Variants in CNBD1 observed in about 807,000 individuals in gnomAD.
The protein encoded by CNBD1 is cyclic nucleotide binding domain containing 1, also known as cyclic nucleotide-binding domain-containing protein 1.
In CNBD1, 71 loss-of-function variants were observed where a neutral mutation model predicts 54.4. That is an observed-to-expected ratio of 1.30 (90% CI 1.08 to 1.59). The LOEUF is 1.59. Among genes scored for constraint, CNBD1 ranks in the 40% most tolerant of loss-of-function variants. CNBD1 has a pLI of 0.00. For synonymous variants in CNBD1, 182 were observed against 170.7 expected (o/e 1.07, Z -0.51); for missense variants, 659 against 518.0 (o/e 1.27, Z -2.64).
chr8:87,371,947 T>A (rs965552817), intron 10 of CNBD1, among the ~76,000 whole-genome samples: 1 of 151,900 alleles, frequency 6.6e-6, no homozygotes, highest in African/African-American at 2.4e-5. Flanking sequence ...ACGCCCTCTC[T>A]CACCACTCCT....
In CNBD1 at chr8:87,070,087, A is replaced by G. The variant is rs571752093; in HGVS notation, c.431+130333A>G. On this transcript the variant is annotated intron_variant, in intron 4 of 10. Coordinates refer to ENST00000518476, the MANE Select transcript of CNBD1 (RefSeq NM_173538.3). The stretch of plus-strand genomic sequence containing the variant: ...TGGATACTCAAAGGTTTAATAAATT[A>G]GTGGGTATCCACATTTCTGGACATT... Among the ~76,000 whole-genome samples the G allele has an allele frequency of 2.6e-3, 402 of 152,200 alleles. 1 individual carries two copies. Among genetic ancestry groups the G allele is most frequent in the African/African-American group, 9.4e-3 (390 of 41,560 alleles).
intron 8 of CNBD1, among the ~76,000 whole-genome samples, chr8:87,316,452 G>A (rs181668543): frequency 2.0e-5 from 3 of 151,874 alleles, no homozygotes; most frequent in Non-Finnish European, 2.9e-5. Flanking sequence ...ATGTAATTTA[G>A]GTAGGTGTGT....
intron 10 of CNBD1, among the ~76,000 whole-genome samples, chr8:87,363,893 C>T (rs756862650): frequency 1.4e-4 from 21 of 150,560 alleles, no homozygotes; most frequent in Non-Finnish European, 2.4e-4. Flanking sequence ...CTTTTGTTGT[C>T]ATTGCTTTTG....
chr8:87,226,524 G>T (rs549018326), intron 5 of CNBD1, among the ~76,000 whole-genome samples: 2 of 146,802 alleles, frequency 1.4e-5, no homozygotes, highest in African/African-American at 5.4e-5. Context: ...GGAGCAGGTT[G>T]TTCAGTTTCC....
rs548839745 is a variant in CNBD1, at chr8:87,197,051, T to A, written c.432-8942T>A. 3.3e-5 allele frequency among the ~76,000 whole-genome samples: 5 copies of A among 152,340 alleles called. No individual in the cohort carries two copies. In the South Asian group the frequency reaches 1.0e-3, roughly 32 times the overall value. On this transcript the variant is annotated intron_variant, in intron 4 of 10. Coordinates refer to ENST00000518476, the MANE Select transcript of CNBD1 (RefSeq NM_173538.3). ...AAAATATAAAGGGAATAGTATTTTT[T>A]ATACACCACTGTATGTGGTCTGGAT... is the stretch of plus-strand genomic sequence containing the variant.
intron 2 of CNBD1, among the ~76,000 whole-genome samples, chr8:87,427,209 G>T (rs978431296): frequency 2.0e-5 from 3 of 152,012 alleles, no homozygotes; most frequent in African/African-American, 4.8e-5. Flanking sequence ...ACATTATCTT[G>T]TATGTCCTTT....
chr8:86,942,174 A>G (rs573599913), intron 4 of CNBD1, among the ~76,000 whole-genome samples: 1 of 152,344 alleles, frequency 6.6e-6, no homozygotes, highest in East Asian at 1.9e-4. Flanking sequence ...ATGACAAACT[A>G]TTAATAGTAA....
chr8:87,419,855 G>A (rs1337131338), intron 2 of CNBD1, among the ~76,000 whole-genome samples: 1 of 151,324 alleles, frequency 6.6e-6, no homozygotes, highest in East Asian at 1.9e-4. Context: ...AATGGTCCTA[G>A]AATTATTTAA....
At chr8:87,330,738 A>G (rs1025099648) in intron 8 of CNBD1, among the ~76,000 whole-genome samples, 1 of 152,182 alleles carries the variant, frequency 6.6e-6, no homozygotes, top group East Asian at 1.9e-4. Flanking sequence ...CTATGTTCAG[A>G]TAAGAATATG....
intron 5 of CNBD1, among the ~76,000 whole-genome samples, chr8:87,221,239 T>C (rs1052812968): frequency 1.3e-5 from 2 of 152,150 alleles, no homozygotes; most frequent in Non-Finnish European, 2.9e-5. Flanking sequence ...AGCACTGTTT[T>C]TATTCTAATT....
At chr8:87,410,980 T>C (rs1347040828) in intron 2 of CNBD1, among the ~76,000 whole-genome samples, 2 of 152,110 alleles carry the variant, frequency 1.3e-5, no homozygotes, top group East Asian at 1.9e-4. Context: ...ATTTTTTAGA[T>C]ATACTGCTAT....
intron 6 of CNBD1, among the ~76,000 whole-genome samples, chr8:87,270,889 G>A (rs1808349207): frequency 6.6e-6 from 1 of 151,732 alleles, no homozygotes; most frequent in African/African-American, 2.4e-5. Context: ...CAGCAGTGAA[G>A]CTGTAATGTC....
chr8:87,374,760 GTGA>G (rs1159967186), intron 10 of CNBD1, among the ~76,000 whole-genome samples: 2 of 151,714 alleles, frequency 1.3e-5, no homozygotes, highest in Non-Finnish European at 2.9e-5. Flanking sequence ...GCAGCATCAC[GTGA>G]TGATGAGAAC....
intron 4 of CNBD1, among the ~76,000 whole-genome samples, chr8:87,101,752 A>G (rs1157122019): frequency 6.6e-6 from 1 of 152,194 alleles, no homozygotes; most frequent in Non-Finnish European, 1.5e-5. Context: ...AAATCTCAAT[A>G]AAAATTCATG....
chr8:87,302,332 A>G (rs995249367), intron 8 of CNBD1, among the ~76,000 whole-genome samples: 26 of 152,226 alleles, frequency 1.7e-4, no homozygotes, highest in Non-Finnish European at 1.9e-4. Context: ...GGCTGGTTCA[A>G]CATATGCAAA....
chr8:87,394,287 T>G (rs1420618437), intron 2 of CNBD1, among the ~76,000 whole-genome samples: 1 of 151,892 alleles, frequency 6.6e-6, no homozygotes, highest in Non-Finnish European at 1.5e-5. Flanking sequence ...TCAGTTCTTA[T>G]CATAATGCAT....
chr8:87,422,653 A>G (rs1807961527), intron 2 of CNBD1, among the ~76,000 whole-genome samples: 1 of 152,132 alleles, frequency 6.6e-6, no homozygotes, highest in South Asian at 2.1e-4. Context: ...AGGTACCAGT[A>G]CCATGCTGTT....
chr8:87,416,575 C>G (rs1461415628), intron 2 of CNBD1, among the ~76,000 whole-genome samples: 2 of 151,996 alleles, frequency 1.3e-5, no homozygotes, highest in South Asian at 2.1e-4. Context: ...ATGCCTCATT[C>G]CCAGACAAGC....
chr8:86,939,812 T>A (rs181623787), intron 4 of CNBD1, 58 bp downstream of exon 4: 3 of 1,108,516 alleles, frequency 2.7e-6, no homozygotes, highest in Non-Finnish European at 3.8e-6. Flanking sequence ...AATGGCTTTA[T>A]TTTTTAAAGT....
Sources: gnomAD v4.1 joint callset for allele counts (sites outside exome capture counted in the v4.1 genomes callset) on GRCh38, gnomAD v4.1.1 for gene constraint, MANE v1.5 for transcripts, NCBI Gene and HGNC (gene_info 2026-07-23, HGNC 2026-07-21) for gene names.